DOCK5: variants seen among roughly 807,000 people sequenced by gnomAD.
The protein encoded by DOCK5 is dedicator of cytokinesis 5.
A neutral mutation model predicts 251.8 loss-of-function variants in DOCK5; 142 were observed. The ratio of observed to expected loss-of-function variants is 0.56; its 90% CI spans 0.49 to 0.65. The LOEUF is 0.65. Among genes scored for constraint, DOCK5 ranks in the 30% least tolerant of loss-of-function variants. DOCK5 has a pLI of 0.00. For missense variants in DOCK5, 2,111 were observed against 2,312.3 expected (o/e 0.91, Z 1.79); for synonymous variants, 842 against 835.5 (o/e 1.01, Z -0.13).
intron 1 of DOCK5, among the ~76,000 whole-genome samples, chr8:25,205,246 T>C (rs1362987794): frequency 6.6e-6 from 1 of 151,972 alleles, no homozygotes; most frequent in Non-Finnish European, 1.5e-5. Flanking sequence ...TCTTGCTGTC[T>C]CTCACTCTCT....
At chr8:25,246,700 TAGTTTGTG>T (rs1229022186) in intron 2 of DOCK5, among the ~76,000 whole-genome samples, 3 of 120,918 alleles carry the variant, frequency 2.5e-5, no homozygotes, top group Non-Finnish European at 3.4e-5. Context: ...ACTGCCATGT[TAGTTTGTG>T]TGTGTGTGTG....
chr8:25,384,614 C>G (rs912056209), intron 40 of DOCK5, among the ~76,000 whole-genome samples: 1 of 151,776 alleles, frequency 6.6e-6, no homozygotes, highest in African/African-American at 2.4e-5. Flanking sequence ...TGTGCACGAC[C>G]AGGCCCAGCT....
chr8:25,252,823 T>C (rs1803306942), intron 2 of DOCK5, among the ~76,000 whole-genome samples: 1 of 152,230 alleles, frequency 6.6e-6, no homozygotes, highest in Admixed American at 6.5e-5. Flanking sequence ...TCTAAAATTC[T>C]AAAATTCCAT....
rs550488381 is a variant in DOCK5 at position 25,198,502 on chromosome 8, G to A, written c.43+13551G>A. ...CACAAAAATCACTTGAACCCGGGAG[G>A]CAGACGTTGCAGTAAGCTGAGATCG... On this transcript the variant is annotated intron_variant, in intron 1 of 51. Coordinates refer to ENST00000276440, the MANE Select transcript of DOCK5 (RefSeq NM_024940.8). 3.9e-5 allele frequency among the ~76,000 whole-genome samples: 6 copies of A among 152,090 alleles called. No homozygotes were observed. The South Asian group carries it at 1.2e-3, about 32-fold the overall frequency.
At chr8:25,265,110 A>G (rs1803703779) in intron 2 of DOCK5, among the ~76,000 whole-genome samples, 1 of 151,244 alleles carries the variant, frequency 6.6e-6, no homozygotes, top group Non-Finnish European at 1.5e-5. Context: ...CACCATCTCC[A>G]TGGCATATAA....
intron 1 of DOCK5, among the ~76,000 whole-genome samples, chr8:25,195,007 A>G (rs558693849): frequency 6.6e-6 from 1 of 150,982 alleles, no homozygotes; most frequent in Admixed American, 6.6e-5. Flanking sequence ...TGCAACCTCC[A>G]CCTCCTGGGT....
intron 29 of DOCK5, among the ~76,000 whole-genome samples, chr8:25,363,488 C>G (rs1277823455): frequency 6.6e-6 from 1 of 152,202 alleles, no homozygotes; most frequent in African/African-American, 2.4e-5. Context: ...TATGACCGGT[C>G]CATGATGTAT....
rs528969405 is a variant in DOCK5, at chr8:25,379,012, G to T, written c.3937-1293G>T. Among the ~76,000 whole-genome samples, 150 of 152,216 alleles carry T rather than the reference G, an allele frequency of 9.9e-4. 3 individuals are homozygous for T. The South Asian group carries it at 0.03, about 31-fold the overall frequency. Reference sequence around the variant, plus strand: ...AAAAGGGGAGGGGGTGTACCAACAGGGAGCAGGTCACATACTTCAAGGGGC... The same window carrying T: ...AAAAGGGGAGGGGGTGTACCAACAGTGAGCAGGTCACATACTTCAAGGGGC... On this transcript the variant is annotated intron_variant, in intron 38 of 51. Coordinates refer to ENST00000276440, the MANE Select transcript of DOCK5 (RefSeq NM_024940.8).
At chr8:25,384,269 C>T (rs1801120165) in intron 40 of DOCK5, among the ~76,000 whole-genome samples, 1 of 152,064 alleles carries the variant, frequency 6.6e-6, no homozygotes, top group South Asian at 2.1e-4. Flanking sequence ...TGGTTGCTGG[C>T]CAGGGGGAGG....
intron 1 of DOCK5, among the ~76,000 whole-genome samples, chr8:25,206,971 G>A (rs1429151259): frequency 6.6e-6 from 1 of 152,140 alleles, no homozygotes; most frequent in African/African-American, 2.4e-5. Flanking sequence ...CCCTAGAGTG[G>A]CCCCTGTTCT....
At chr8:25,251,871 C>A (rs1023973181) in intron 2 of DOCK5, among the ~76,000 whole-genome samples, 5 of 152,036 alleles carry the variant, frequency 3.3e-5, no homozygotes, top group African/African-American at 1.2e-4. Context: ...CACCCATAAT[C>A]CCAGCTACTT....
At chr8:25,192,441 C>T (rs1801606906) in intron 1 of DOCK5, among the ~76,000 whole-genome samples, 1 of 152,154 alleles carries the variant, frequency 6.6e-6, no homozygotes, top group African/African-American at 2.4e-5. Flanking sequence ...TTGGTTTTGC[C>T]CTGTTCAGGT....
chr8:25,380,172 G>A (rs570032406), intron 38 of DOCK5, 133 bp from the exon 39 acceptor site: 26 of 707,350 alleles, frequency 3.7e-5, no homozygotes, highest in African/African-American at 1.8e-4. Flanking sequence ...GGGATAAAGC[G>A]AGTGAGGAAT....
At chr8:25,268,806 A>T (rs1372410947) in intron 2 of DOCK5, 39 bp from the exon 3 acceptor site, 15 of 1,539,550 alleles carry the variant, frequency 9.7e-6, no homozygotes, top group Non-Finnish European at 1.3e-5. Flanking sequence ...GATATCCCAG[A>T]AAACATAAAA....
Position 25,184,768 on chromosome 8 carries a change from A to G in DOCK5, c.-141A>G. ...CACGGGCGCGGGCGGCGCGGCGAGG[A>G]GGCGGCCCGCGGAGTCCAGCGAAGT... On this transcript the variant is annotated 5_prime_UTR_variant, in exon 1 of 52. Transcript: ENST00000276440. The G allele has an allele frequency of 5.6e-6, 4 of 717,382 alleles. No individual in the cohort carries two copies. Among genetic ancestry groups the G allele is most frequent in the Non-Finnish European group, 7.5e-6 (4 of 532,048 alleles). 44.4% of individuals were successfully genotyped at this position (717,382 alleles called of 1,614,324 possible). A position where few individuals can be genotyped will look rare whatever the true frequency, so the allele number is the denominator to read the frequency against.
At chr8:25,370,229 A>G (rs577764846) in intron 34 of DOCK5, among the ~76,000 whole-genome samples, 1 of 152,338 alleles carries the variant, frequency 6.6e-6, no homozygotes, top group Non-Finnish European at 1.5e-5. Flanking sequence ...AGTAATGAAG[A>G]GTGGGAAAGT....
chr8:25,235,735 A>G (rs1400230631), intron 1 of DOCK5, among the ~76,000 whole-genome samples: 1 of 151,086 alleles, frequency 6.6e-6, no homozygotes, highest in African/African-American at 2.4e-5. Flanking sequence ...AGTTCAAGAT[A>G]TTTATCTATT....
chr8:25,299,119 C>A lies in DOCK5; in HGVS notation c.764+18C>A. ...TTTATCAGGTAGCAGAGACCCACAT[C>A]CCCTGCTGCTGACCTAACAAAGATA... is the stretch of plus-strand genomic sequence containing the variant. On this transcript the variant is annotated intron_variant, in intron 8 of 51. Transcript: ENST00000276440. The A allele has an allele frequency of 6.2e-7, 1 of 1,610,954 alleles. No homozygotes were observed. The highest frequency in any genetic ancestry group is 1.1e-5 in the South Asian group (1 of 90,636).
chr8:25,356,907 TTA>T (rs34216387), intron 27 of DOCK5, among the ~76,000 whole-genome samples: 3,268 of 130,562 alleles, frequency 0.025, 39 homozygotes, highest in South Asian at 0.04. Context: ...TATATGAAGA[TTA>T]TATATATATA....
Sources: allele counts gnomAD v4.1 joint callset (sites outside exome capture counted in the v4.1 genomes callset), GRCh38; gene constraint gnomAD v4.1.1; transcripts MANE v1.5; gene names NCBI Gene and HGNC (gene_info 2026-07-23, HGNC 2026-07-21).